Variants in AATK observed in about 807,000 individuals in gnomAD.
The protein encoded by AATK is lemur tail kinase 1.
Under a neutral mutation model 114.3 loss-of-function variants are expected in AATK, and 91 were observed. The ratio of observed to expected loss-of-function variants is 0.80; its 90% confidence interval spans 0.67 to 0.95. The LOEUF (loss-of-function observed/expected upper bound fraction) is 0.95, where lower values mean the gene tolerates loss of function less well. AATK is among the 40% of genes least tolerant of loss of function. AATK has a pLI of 0.00. For missense variants in AATK, 2,176 were observed against 1,965.2 expected (o/e 1.11, Z -2.03); for synonymous variants, 1,075 against 916.5 (o/e 1.17, Z -3.12).
Position 81,121,202 on chromosome 17 carries a change from C to A in AATK, c.2734G>T (p.Ala912Ser). ...SLDSLDIPSS[A>S]SDGGYEVFSP... is the part of the protein sequence containing the mutation. ...AAGACCTCATAGCCACCATCACTGG[C>A]TGAGGACGGGATGTCCAGGGAGTCC... is the stretch of plus-strand genomic sequence containing the variant. Residue 912 changes from alanine to serine, a missense_variant, in exon 11 of 14, where the codon GCC (alanine) becomes TCC (serine). Ala to Ser is a moderately conservative substitution (Grantham distance 99). This residue lies in a region of AATK where 1,701 missense variants were observed against 1,394.7 expected (regional missense o/e 1.22). Coordinates refer to ENST00000326724, the MANE Select transcript of AATK (RefSeq NM_001080395.3). 1 of 1,604,386 alleles carries A rather than the reference C, an allele frequency of 6.2e-7. No individual in the cohort carries two copies. Among genetic ancestry groups the A allele is most frequent in the Non-Finnish European group, 8.5e-7 (1 of 1,175,938 alleles).
intron 1 of AATK, among the ~76,000 whole-genome samples, chr17:81,138,369 A>C (rs1399579926): frequency 2.7e-5 from 4 of 147,974 alleles, no homozygotes; most frequent in African/African-American, 1.0e-4. Flanking sequence ...ACACACTCCC[A>C]TGGACACACG....
intron 1 of AATK, chr17:81,165,663 C>T: frequency 6.7e-7 from 1 of 1,501,334 alleles, no homozygotes; most frequent in Non-Finnish European, 8.9e-7. Context: ...CCCACGCAGG[C>T]CCTCCGTGCC....
At chr17:81,156,138 CTA>C (rs1439244768) in intron 1 of AATK, among the ~76,000 whole-genome samples, 31 of 9,890 alleles carry the variant, frequency 3.1e-3, no homozygotes, top group Middle Eastern at 0.038. Flanking sequence ...ATGTATGTTA[CTA>C]TGTTACAATG....
At chr17:81,154,926 G>A (rs777937272) in intron 1 of AATK, among the ~76,000 whole-genome samples, 12 of 152,116 alleles carry the variant, frequency 7.9e-5, no homozygotes, top group Non-Finnish European at 1.2e-4. Context: ...CACTGCGCTC[G>A]GCCCTTTCCC....
chr17:81,158,049 A>G (rs2061387803), intron 1 of AATK, among the ~76,000 whole-genome samples: 1 of 152,192 alleles, frequency 6.6e-6, no homozygotes, highest in African/African-American at 2.4e-5. Flanking sequence ...CAGGCTTGCC[A>G]AGGAGGAAAC....
At position 81,129,010 on chromosome 17, in the gene AATK, G is replaced by A. The variant is rs111736715; in HGVS notation, c.335-461C>T. ...TCCTTTGTTGGGGGCTGCTTGGCAC[G>A]GCCCCGCACGGAGCACACTGGCCCA... On this transcript the variant is annotated intron_variant, in intron 3 of 13. Transcript: ENST00000326724. The A allele has an allele frequency of 7.9e-3, 5,855 of 736,942 alleles. 47 individuals are homozygous for A. Among genetic ancestry groups the A allele is most frequent in the South Asian group, 0.038 (957 of 25,044 alleles). 45.7% of individuals were successfully genotyped at this position (736,942 alleles called of 1,614,324 possible).
At chr17:81,165,766 G>A (rs1444545712) in intron 1 of AATK, 172 bp downstream of exon 1, 2 of 1,514,796 alleles carry the variant, frequency 1.3e-6, no homozygotes, top group East Asian at 2.5e-5. Context: ...TGGGGCCCAG[G>A]GCCTGCCCCT....
rs193083148 is a variant in AATK, at chr17:81,131,192, G to A, written c.203C>T (p.Ala68Val). The A allele has an allele frequency of 7.0e-4, 1,106 of 1,580,116 alleles. 10 individuals carry two copies. In the African/African-American group the frequency reaches 0.013, roughly 19 times the overall value. ...GGIGFKEFEN[A>V]EGDEYAADLA... ...GTCGGCTGCGTACTCGTCCCCCTCC[G>A]CATTCTCAAACTCCTGCGGGCCGGG... Residue 68 changes from alanine to valine, a missense_variant, in exon 3 of 14, where the codon GCG becomes GTG. By Grantham distance (64) the Ala-to-Val change is moderately conservative. Coordinates refer to ENST00000326724, the MANE Select transcript of AATK (RefSeq NM_001080395.3).
intron 1 of AATK, among the ~76,000 whole-genome samples, chr17:81,159,247 G>A (rs759985099): frequency 6.6e-6 from 1 of 152,202 alleles, no homozygotes; most frequent in Non-Finnish European, 1.5e-5. Flanking sequence ...CAGCGTCCAC[G>A]ATAGCAGCCC....
At chr17:81,148,808 ACGCG>A (rs1225075827) in intron 1 of AATK, among the ~76,000 whole-genome samples, 2 of 147,100 alleles carry the variant, frequency 1.4e-5, no homozygotes, top group African/African-American at 4.9e-5. Context: ...GCACACACTC[ACGCG>A]CACACTCACG....
chr17:81,127,507 G>T, intron 6 of AATK, 76 bp downstream of exon 6: 3 of 1,411,456 alleles, frequency 2.1e-6, no homozygotes, highest in East Asian at 2.5e-5. Context: ...AGGAGGGGGT[G>T]GCACCAGACA....
intron 1 of AATK, among the ~76,000 whole-genome samples, chr17:81,162,708 C>T (rs1478799127): frequency 1.3e-5 from 2 of 152,214 alleles, no homozygotes; most frequent in Non-Finnish European, 2.9e-5. Context: ...GCTGATAGAG[C>T]GAGCACCGTG....
chr17:81,119,598 G>T lies in AATK; in HGVS notation c.3884-18C>A, dbSNP rs937865628. 1 of 1,542,014 alleles carries T rather than the reference G, an allele frequency of 6.5e-7. No homozygotes were observed. ...CCCACCACCTGCAGCCCAGGTCGCG[G>T]CGTCACTCGCGCTCACAGCCTGGGA... On this transcript the variant is annotated intron_variant, in intron 12 of 13. Transcript: ENST00000326724.
chr17:81,128,784 T>C, intron 3 of AATK: 1 of 1,329,614 alleles, frequency 7.5e-7, no homozygotes, highest in South Asian at 1.5e-5. Flanking sequence ...TCTTTCTGGG[T>C]AGGTCTGGAG....
chr17:81,161,711 T>C (rs2061431171), intron 1 of AATK, among the ~76,000 whole-genome samples: 1 of 152,098 alleles, frequency 6.6e-6, no homozygotes, highest in Non-Finnish European at 1.5e-5. Context: ...TTATGAGACC[T>C]GTCCATGGTC....
At chr17:81,165,690 T>G in intron 1 of AATK, 1 of 1,514,550 alleles carries the variant, frequency 6.6e-7, no homozygotes, top group Non-Finnish European at 8.8e-7. Flanking sequence ...ACCTGTGCCC[T>G]GGAGGCAGCC....
chr17:81,148,782 A>G (rs1341700730), intron 1 of AATK, among the ~76,000 whole-genome samples: 1 of 150,714 alleles, frequency 6.6e-6, no homozygotes, highest in Non-Finnish European at 1.5e-5. Context: ...ACGCTCACTC[A>G]TGGAGATTCG....
Position 81,127,832 on chromosome 17 carries a change from G to C in AATK, c.493C>G (p.Gln165Glu). The change falls in exon 5 of 14, where the codon CAG becomes GAG. Residue 165 changes from glutamine (Q) to glutamate (E), a missense_variant. This residue lies in a region of AATK where 273 missense variants were observed against 344.1 expected (regional missense o/e 0.79). Transcript: ENST00000326724. Reference sequence around the variant, plus strand: ...TCCTCCAGGAACTGCATCTGCTCCTGCACGCTGGCACTAGCCTGCAGCTCC... The same window carrying C: ...TCCTCCAGGAACTGCATCTGCTCCTCCACGCTGGCACTAGCCTGCAGCTCC... ...VKELQASASV[Q>E]EQMQFLEEVQ... is the part of the protein sequence containing the mutation. The C allele has an allele frequency of 2.6e-6, 4 of 1,541,284 alleles. No individual in the cohort carries two copies. Among genetic ancestry groups the C allele is most frequent in the South Asian group, 2.4e-5 (2 of 83,838 alleles).
In AATK at chr17:81,120,649, C is replaced by T. The variant is rs1450991386; in HGVS notation, c.3287G>A (p.Ser1096Asn). ...PAKVRPGPSP[S>N]CSQFFLLTPV... ...GGTCAGCAGGAAAAACTGGGAGCAG[C>T]TGGGGCTGGGCCCAGGCCGCACCTT... Residue 1096 changes from serine (S) to asparagine (N), a missense_variant, in exon 11 of 14, where the codon AGC becomes AAC. By Grantham distance (46) the Ser-to-Asn change is conservative (BLOSUM62 1). Around this residue, in one of 4 missense-constraint regions of AATK, gnomAD observed 1,701 missense variants for 1,394.7 expected, o/e 1.22. Transcript: ENST00000326724. 1 of 1,529,350 alleles carries T rather than the reference C, an allele frequency of 6.5e-7. No homozygotes were observed. The highest frequency in any genetic ancestry group is 1.3e-5 in the South Asian group (1 of 77,356). The allele number at this position is 1,529,350 out of a possible 1,614,324, so 94.7% of individuals were successfully genotyped here. A position where few individuals can be genotyped will look rare whatever the true frequency, so the allele number is the denominator to read the frequency against.
Sources: gnomAD v4.1 joint callset for allele counts (sites outside exome capture counted in the v4.1 genomes callset) on GRCh38, gnomAD v4.1.1 for gene constraint, gnomAD v4.1.1 regional missense constraint, MANE v1.5 for transcripts, NCBI Gene and HGNC (gene_info 2026-07-23, HGNC 2026-07-21) for gene names.